Variants in AUTS2 observed in about 807,000 individuals in gnomAD.
AUTS2 encodes the protein autism susceptibility gene 2 protein.
In AUTS2, 17 loss-of-function variants were observed where a neutral mutation model predicts 112.4. The observed-to-expected ratio is 0.15, with a 90% CI of 0.10 to 0.23. AUTS2 has a LOEUF of 0.23. Ranked by LOEUF, AUTS2 falls within the 10% of genes least tolerant of loss-of-function variation. The pLI, the probability that AUTS2 is intolerant of heterozygous loss-of-function variation, is 1.00. For synonymous variants in AUTS2, 751 were observed against 702.7 expected (o/e 1.07, Z -1.09); for missense variants, 1,510 against 1,701.6 (o/e 0.89, Z 1.98).
intron 2 of AUTS2, among the ~76,000 whole-genome samples, chr7:69,996,828 T>C (rs1367446714): frequency 6.6e-6 from 1 of 151,608 alleles, no homozygotes; most frequent in East Asian, 1.9e-4. Context: ...ATAAACTGTA[T>C]GTTTACATGA....
intron 2 of AUTS2, among the ~76,000 whole-genome samples, chr7:69,948,693 C>G (rs1376532127): frequency 1.3e-5 from 2 of 152,062 alleles, no homozygotes; most frequent in Non-Finnish European, 1.5e-5. Flanking sequence ...GAAATTGAGA[C>G]TCAGTGAGAT....
At chr7:69,695,709 A>T (rs1002449965) in intron 1 of AUTS2, among the ~76,000 whole-genome samples, 1 of 152,182 alleles carries the variant, frequency 6.6e-6, no homozygotes, top group Non-Finnish European at 1.5e-5. Context: ...ATGCTTTTGT[A>T]TATTTTCTGT....
At chr7:70,139,014 A>G (rs1256618641) in intron 4 of AUTS2, among the ~76,000 whole-genome samples, 1 of 152,148 alleles carries the variant, frequency 6.6e-6, no homozygotes, top group Admixed American at 6.6e-5. Flanking sequence ...CACCCAGGCC[A>G]TAGTGCAGTG....
At chr7:70,782,547 C>A (rs1030868591) in intron 15 of AUTS2, 4 of 152,136 alleles carry the variant, frequency 2.6e-5, no homozygotes, top group Non-Finnish European at 4.4e-5. Context: ...TTAAGGGTTT[C>A]TTGTCATTCT....
intron 5 of AUTS2, among the ~76,000 whole-genome samples, chr7:70,547,296 C>A (rs1199890532): frequency 6.6e-6 from 1 of 152,122 alleles, no homozygotes; most frequent in African/African-American, 2.4e-5. Context: ...GCTCAGTCGC[C>A]CAGGCTGGAG....
chr7:70,238,447 G>T (rs985619852), intron 4 of AUTS2, among the ~76,000 whole-genome samples: 35 of 152,100 alleles, frequency 2.3e-4, no homozygotes, highest in Admixed American at 1.8e-3. Flanking sequence ...CTTAGATCGT[G>T]GACTGCCTGC....
intron 1 of AUTS2, among the ~76,000 whole-genome samples, chr7:69,674,976 A>T (rs1314792213): frequency 6.6e-6 from 1 of 152,172 alleles, no homozygotes; most frequent in African/African-American, 2.4e-5. Context: ...GCATTTGTTA[A>T]TATGTTAGTC....
At chr7:69,962,407 C>A (rs1314060868) in intron 2 of AUTS2, among the ~76,000 whole-genome samples, 1 of 152,064 alleles carries the variant, frequency 6.6e-6, no homozygotes, top group East Asian at 1.9e-4. Context: ...TTCTCCGTCC[C>A]CCTAAAGATT....
chr7:70,488,758 A>G (rs1223066253), intron 5 of AUTS2, among the ~76,000 whole-genome samples: 2 of 152,096 alleles, frequency 1.3e-5, no homozygotes, highest in African/African-American at 2.4e-5. Context: ...TAAATAGCCT[A>G]AGGGAAGACG....
chr7:69,917,598 G>A (rs1378275433), intron 2 of AUTS2, among the ~76,000 whole-genome samples: 11 of 152,020 alleles, frequency 7.2e-5, no homozygotes, highest in Non-Finnish European at 1.6e-4. Flanking sequence ...ACCTAGTAAT[G>A]TAGGTTATAA....
intron 1 of AUTS2, among the ~76,000 whole-genome samples, chr7:69,849,701 CT>C (rs1340303275): frequency 6.6e-6 from 1 of 151,786 alleles, no homozygotes; most frequent in African/African-American, 2.4e-5. Context: ...CAGTACATGG[CT>C]TTTTGAGGTT....
At chr7:69,954,962 C>T (rs1013888707) in intron 2 of AUTS2, among the ~76,000 whole-genome samples, 2 of 152,178 alleles carry the variant, frequency 1.3e-5, no homozygotes, top group Non-Finnish European at 2.9e-5. Flanking sequence ...TGGAACAGCT[C>T]TTAAGTGGAA....
intron 4 of AUTS2, among the ~76,000 whole-genome samples, chr7:70,148,024 C>T (rs1807226126): frequency 6.6e-6 from 1 of 152,078 alleles, no homozygotes; most frequent in African/African-American, 2.4e-5. Context: ...GCTAGTTTTT[C>T]TGGGAGGATT....
At chr7:69,754,358 C>G (rs927085220) in intron 1 of AUTS2, among the ~76,000 whole-genome samples, 1 of 152,178 alleles carries the variant, frequency 6.6e-6, no homozygotes, top group East Asian at 1.9e-4. Flanking sequence ...TCAGCTAGAG[C>G]TGACTGTCAA....
At chr7:70,208,398 T>G (rs1006933290) in intron 4 of AUTS2, among the ~76,000 whole-genome samples, 1 of 152,196 alleles carries the variant, frequency 6.6e-6, no homozygotes, top group Non-Finnish European at 1.5e-5. Context: ...TCTTTAAGGC[T>G]TTCATGACAT....
At chr7:69,724,081 G>A (rs1033228041) in intron 1 of AUTS2, among the ~76,000 whole-genome samples, 1 of 152,144 alleles carries the variant, frequency 6.6e-6, no homozygotes, top group Admixed American at 6.6e-5. Context: ...AAGGAAATGT[G>A]TTAATGTGGG....
At chr7:69,836,659 C>T (rs1464076545) in intron 1 of AUTS2, among the ~76,000 whole-genome samples, 1 of 152,102 alleles carries the variant, frequency 6.6e-6, no homozygotes, top group Non-Finnish European at 1.5e-5. Context: ...GACTAAACTC[C>T]TCAGGAACAA....
intron 5 of AUTS2, among the ~76,000 whole-genome samples, chr7:70,497,345 G>A (rs1315984754): frequency 3.3e-5 from 5 of 150,350 alleles, no homozygotes; most frequent in African/African-American, 7.4e-5. Flanking sequence ...GTACACAGTC[G>A]CACAGACACA....
chr7:70,031,438 G>T (rs770276835), intron 2 of AUTS2, among the ~76,000 whole-genome samples: 4 of 152,058 alleles, frequency 2.6e-5, no homozygotes, highest in Non-Finnish European at 5.9e-5. Flanking sequence ...GAGCACTAAC[G>T]TCCTGATTAG....
Sources: allele counts gnomAD v4.1 joint callset (sites outside exome capture counted in the v4.1 genomes callset), GRCh38; gene constraint gnomAD v4.1.1; transcripts MANE v1.5; gene names NCBI Gene and HGNC (gene_info 2026-07-23, HGNC 2026-07-21).